The following ACOT8 variants were observed in gnomAD, a reference collection of about 807,000 sequenced individuals.
ACOT8 encodes acyl-CoA thioesterase 8, also known as acyl-coenzyme A thioesterase 8.
ACOT8 carries 31 observed loss-of-function variants against 38.4 expected under a neutral mutation model. The ratio of observed to expected loss-of-function variants is 0.81; its 90% CI spans 0.61 to 1.09. ACOT8 has a LOEUF of 1.09. ACOT8 is among the 50% of genes least tolerant of loss of function. The probability of loss-of-function intolerance (pLI) is 0.00; values close to 1 mark genes in which losing one functional copy is unlikely to be tolerated. For missense variants in ACOT8, 373 were observed against 421.8 expected (o/e 0.88, Z 1.01); for synonymous variants, 158 against 170.3 (o/e 0.93, Z 0.56).
chr20:45,843,528 G>A lies in ACOT8; in HGVS notation c.840C>T (p.Ala280=), dbSNP rs370026049. Residue 280 remains alanine (A), a splice_region_variant and synonymous_variant, in exon 5 of 6, where the codon GCC becomes GCT. Coordinates refer to ENST00000217455, the MANE Select transcript of ACOT8 (RefSeq NM_005469.4). ...TGTCCCACACGGCCCCACACTCACC[G>A]GCCCAGGGGCTCTCGCATTCATAGA... ...WMLYECESPW[A]GGSRGLVHGR... is the part of the protein sequence containing the mutation. The A allele has an allele frequency of 9.3e-6, 15 of 1,608,136 alleles. No homozygotes were observed. Among genetic ancestry groups the A allele is most frequent in the African/African-American group, 5.3e-5 (4 of 74,918 alleles).
At chr20:45,844,158 A>T (rs1331016792) in intron 4 of ACOT8, 105 bp downstream of exon 4, 4 of 1,483,482 alleles carry the variant, frequency 2.7e-6, no homozygotes, top group Non-Finnish European at 3.7e-6. Flanking sequence ...CATGCAGATA[A>T]GGAAACAGGC....
chr20:45,850,536 A>G (rs1366778030), intron 2 of ACOT8, among the ~76,000 whole-genome samples: 1 of 152,022 alleles, frequency 6.6e-6, no homozygotes, highest in Non-Finnish European at 1.5e-5. Context: ...TGGTCTAGCC[A>G]TTGTCTGTTT....
At chr20:45,851,792 T>C (rs1985080820) in intron 2 of ACOT8, among the ~76,000 whole-genome samples, 1 of 152,212 alleles carries the variant, frequency 6.6e-6, no homozygotes, top group South Asian at 2.1e-4. Context: ...TTCTAGAATG[T>C]TTGCTGACCT....
chr20:45,844,228 A>T (rs759275736), intron 4 of ACOT8, 35 bp downstream of exon 4: 34 of 1,613,746 alleles, frequency 2.1e-5, no homozygotes, highest in Non-Finnish European at 2.8e-5. Context: ...GACCCCTTGG[A>T]GAGTGGTTTC....
intron 1 of ACOT8, among the ~76,000 whole-genome samples, chr20:45,856,821 G>T (rs1412680476): frequency 1.3e-5 from 2 of 152,256 alleles, no homozygotes; most frequent in Non-Finnish European, 2.9e-5. Context: ...AGAAGAAAAG[G>T]ATACTGAAGA....
intron 3 of ACOT8, 114 bp from the exon 4 acceptor site, chr20:45,844,534 G>T: frequency 8.0e-7 from 1 of 1,249,840 alleles, no homozygotes; most frequent in Non-Finnish European, 1.1e-6. Context: ...TATCCCCAAA[G>T]CTCCCCTCCC....
chr20:45,851,533 T>C (rs73291280), intron 2 of ACOT8, among the ~76,000 whole-genome samples: 2,624 of 152,308 alleles, frequency 0.017, 78 homozygotes, highest in African/African-American at 0.06. Flanking sequence ...AGGTAGGCCC[T>C]GAGGCATATT....
In ACOT8 at chr20:45,841,874, G is replaced by C. The variant is rs147976812; in HGVS notation, c.924C>G (p.Ile308Met). The C allele has an allele frequency of 1.1e-4, 182 of 1,609,390 alleles. No individual in the cohort carries two copies. In the African/African-American group the frequency reaches 2.3e-3, roughly 20 times the overall value. Reference protein sequence around the residue: ...LAVTCAQEGVIRVKPQVSESK... With the variant: ...LAVTCAQEGVMRVKPQVSESK... ...TCTCTGAGACCTGGGGCTTCACTCG[G>C]ATCACGCCCTCCTGGGCACAGGTCA... is the stretch of plus-strand genomic sequence containing the variant. Residue 308 changes from isoleucine (I) to methionine (M), a missense_variant, in exon 6 of 6, where the codon ATC becomes ATG. By Grantham distance (10) the Ile-to-Met change is conservative (BLOSUM62 1). Transcript: ENST00000217455.
chr20:45,855,852 G>GGCC (rs1021018912), intron 1 of ACOT8, among the ~76,000 whole-genome samples: 1 of 152,214 alleles, frequency 6.6e-6, no homozygotes, highest in Non-Finnish European at 1.5e-5. Flanking sequence ...ACTGCAGCTT[G>GGCC]GCCCCAGAGA....
At chr20:45,844,136 C>G in intron 4 of ACOT8, 127 bp downstream of exon 4, 4 of 1,350,642 alleles carry the variant, frequency 3.0e-6, no homozygotes, top group Non-Finnish European at 4.2e-6. Context: ...GAAGCTAAGC[C>G]AACTTCCCCA....
At chr20:45,853,971 T>G (rs1465112786) in intron 2 of ACOT8, 2 of 1,304,400 alleles carry the variant, frequency 1.5e-6, no homozygotes, top group Non-Finnish European at 2.0e-6. Flanking sequence ...GCAGAACACA[T>G]GAGGGCATCT....
chr20:45,855,192 C>A lies in ACOT8; in HGVS notation c.229G>T (p.Val77Leu). ...ACAAAGTAGCAGTGCAGGGAGTGCA[C>A]GTGGACGTCTTCACTCACAGACTTG... is the stretch of plus-strand genomic sequence containing the variant. ...AAKSVSEDVHVHSLHCYFVRA... is the reference protein window; with the variant it reads ...AAKSVSEDVHLHSLHCYFVRA... The change falls in exon 2 of 6, where the codon GTG becomes TTG. Residue 77 changes from valine (V) to leucine (L), a missense_variant. Coordinates refer to ENST00000217455, the MANE Select transcript of ACOT8 (RefSeq NM_005469.4). 1 of 1,614,140 alleles carries A rather than the reference C, an allele frequency of 6.2e-7. No homozygotes were observed. The highest frequency in any genetic ancestry group is 8.5e-7 in the Non-Finnish European group (1 of 1,180,024).
rs370050746 is a variant in ACOT8 at position 45,856,186 on chromosome 20, C to T, written c.129-894G>A. On this transcript the variant is annotated intron_variant, in intron 1 of 5. Coordinates refer to ENST00000217455, the MANE Select transcript of ACOT8 (RefSeq NM_005469.4). ...GACTGAGGCAGAAGGGTCACTTGGG[C>T]CCAGGAGGTCGAGGTTGCAGTGAGC... Among the ~76,000 whole-genome samples, 26 of 152,306 alleles carry T rather than the reference C, an allele frequency of 1.7e-4. No individual in the cohort carries two copies. The East Asian group carries it at 3.5e-3, about 20-fold the overall frequency.
intron 5 of ACOT8, chr20:45,842,661 A>C: frequency 1.0e-6 from 1 of 989,792 alleles, no homozygotes; most frequent in Non-Finnish European, 1.2e-6. Context: ...GAGCTCACTC[A>C]GTTCTCACAG....
rs576049587 is a variant in ACOT8, at chr20:45,842,211, G to A, written c.842-255C>T. 153 of 1,441,612 alleles carry A rather than the reference G, an allele frequency of 1.1e-4. 1 individual carries two copies. Among genetic ancestry groups the A allele is most frequent in the South Asian group, 3.5e-4 (24 of 69,452 alleles). The allele number at this position is 1,441,612 out of a possible 1,614,324, so 89.3% of individuals were successfully genotyped here. A position where few individuals can be genotyped will look rare whatever the true frequency, so the allele number is the denominator to read the frequency against. On this transcript the variant is annotated intron_variant, in intron 5 of 5. Coordinates refer to ENST00000217455, the MANE Select transcript of ACOT8 (RefSeq NM_005469.4). ...CCCACACAAGGGTGCACTGAGTGTC[G>A]TGGCTGCTCCAAATGCCCCTTCATG...
At position 45,841,777 on chromosome 20, in the gene ACOT8, G is replaced by C. The variant is rs1293419875; in HGVS notation, c.*61C>G. 1 of 1,510,810 alleles carries C rather than the reference G, an allele frequency of 6.6e-7. No individual in the cohort carries two copies. The highest frequency in any genetic ancestry group is 8.8e-7 in the Non-Finnish European group (1 of 1,137,480). The allele number at this position is 1,510,810 out of a possible 1,614,324, so 93.6% of individuals were successfully genotyped here. On this transcript the variant is annotated 3_prime_UTR_variant, in exon 6 of 6. Coordinates refer to ENST00000217455, the MANE Select transcript of ACOT8 (RefSeq NM_005469.4). ...AGGGCCAAAAGGGACTGTAACTCCT[G>C]TCTCAGGAATGGGGATAGATGGGAG...
chr20:45,843,634 C>T lies in ACOT8; in HGVS notation c.734G>A (p.Trp245Ter), dbSNP rs768818481. 1 of 1,613,840 alleles carries T rather than the reference C, an allele frequency of 6.2e-7. No individual in the cohort carries two copies. Among genetic ancestry groups the T allele is most frequent in the Non-Finnish European group, 8.5e-7 (1 of 1,179,788 alleles). ...FLGTALLPHQ[W>*]QHKVHFMVSL... ...GACCATGAAGTGCACCTTGTGCTGCCACTGGTGAGGCAGCAGTGCAGTGCC... is the reference window on the plus strand; with the variant it reads ...GACCATGAAGTGCACCTTGTGCTGCTACTGGTGAGGCAGCAGTGCAGTGCC... Residue 245 changes from tryptophan (W) to a stop codon, truncating the protein, a stop_gained, in exon 5 of 6, where the codon TGG becomes TAG. Transcript: ENST00000217455. LOFTEE classifies it high-confidence loss of function.
rs1284650228 is a variant in ACOT8, at chr20:45,855,232, G to A, written c.189C>T (p.Ala63=). 9 of 1,614,128 alleles carry A rather than the reference G, an allele frequency of 5.6e-6. No homozygotes were observed. In the East Asian group the frequency reaches 1.6e-4, roughly 28 times the overall value. ...RLFGGQIVGQ[A]LVAAAKSVSE... The stretch of plus-strand genomic sequence containing the variant: ...TCACAGACTTGGCTGCAGCCACCAG[G>A]GCCTGGCCCACGATCTGACCACCAA... Residue 63 remains alanine (A), a synonymous_variant, in exon 2 of 6, where the codon GCC becomes GCT. Coordinates refer to ENST00000217455, the MANE Select transcript of ACOT8 (RefSeq NM_005469.4).
intron 2 of ACOT8, among the ~76,000 whole-genome samples, chr20:45,849,960 A>C (rs1601096903): frequency 6.6e-6 from 1 of 152,142 alleles, no homozygotes; most frequent in Middle Eastern, 3.4e-3. Flanking sequence ...TGTAATCCCA[A>C]CACTTTGGGA....
Sources: gnomAD v4.1 joint callset for allele counts (sites outside exome capture counted in the v4.1 genomes callset) on GRCh38, gnomAD v4.1.1 for gene constraint, MANE v1.5 for transcripts, NCBI Gene and HGNC (gene_info 2026-07-23, HGNC 2026-07-21) for gene names.